RUBCN: variants seen among roughly 807,000 people sequenced by gnomAD.
RUBCN encodes rubicon autophagy regulator.
A neutral mutation model predicts 113.2 loss-of-function variants in RUBCN; 74 were observed. The observed-to-expected ratio is 0.65, with a 90% CI of 0.54 to 0.79. RUBCN has a LOEUF of 0.79. Ranked by LOEUF, RUBCN falls within the 30% of genes least tolerant of loss-of-function variation. RUBCN has a pLI of 0.00. For synonymous variants in RUBCN, 480 were observed against 490.0 expected (o/e 0.98, Z 0.27); for missense variants, 1,109 against 1,251.7 (o/e 0.89, Z 1.72).
intron 11 of RUBCN, among the ~76,000 whole-genome samples, chr3:197,684,728 GTATA>G (rs1360757236): frequency 9.3e-5 from 14 of 149,750 alleles, no homozygotes; most frequent in East Asian, 2.0e-4. Flanking sequence ...ATATGTGTGT[GTATA>G]TATATACACA....
chr3:197,712,708 G>C (rs1468314936), intron 2 of RUBCN, among the ~76,000 whole-genome samples: 1 of 151,740 alleles, frequency 6.6e-6, no homozygotes, highest in South Asian at 2.1e-4. Flanking sequence ...AACACTACTG[G>C]GGTTCTCAGG....
chr3:197,704,591 C>T lies in RUBCN; in HGVS notation c.414G>A (p.Gln138=), dbSNP rs1461769319. 4 of 1,614,080 alleles carry T rather than the reference C, an allele frequency of 2.5e-6. No homozygotes were observed. The highest frequency in any genetic ancestry group is 2.7e-5 in the African/African-American group (2 of 74,924). Residue 138 remains glutamine, a synonymous_variant, in exon 4 of 20, where the codon CAG becomes CAA. Coordinates refer to ENST00000296343, the MANE Select transcript of RUBCN (RefSeq NM_014687.4). ...HSLQYHCLSA[Q]LRPLLGDRQY... is the part of the protein sequence containing the mutation. ...GTCTATCCCCGAGCAGGGGCCGGAG[C>T]TGGGCTGAGAGGCAGTGGTACTGCA...
chr3:197,728,954 CTTCA>C (rs1727074594), intron 1 of RUBCN, among the ~76,000 whole-genome samples: 1 of 152,032 alleles, frequency 6.6e-6, no homozygotes, highest in African/African-American at 2.4e-5. Flanking sequence ...TAATTGGAAA[CTTCA>C]TTAAGTACTA....
Position 197,684,188 on chromosome 3 carries a change from T to C in RUBCN, c.1816A>G (p.Ser606Gly), listed in dbSNP as rs1721576507. The change falls in exon 12 of 20, where the codon AGC (serine) becomes GGC (glycine). Residue 606 changes from serine (S) to glycine (G), a missense_variant. By Grantham distance (56) the Ser-to-Gly change is moderately conservative. Around this residue, in one of 3 missense-constraint regions of RUBCN, gnomAD observed 736 missense variants for 779.6 expected, o/e 0.94. Coordinates refer to ENST00000296343, the MANE Select transcript of RUBCN (RefSeq NM_014687.4). ...DADIRRNTAS[S>G]SKSFVSSQSF... ...TGGGAGGAAACGAAGGATTTGCTGC[T>C]TGAGGCTGTGTTCCTTCTGATGTCA... 1.9e-6 allele frequency: 3 copies of C among 1,613,816 alleles called. No homozygotes were observed. The highest frequency in any genetic ancestry group is 4.5e-5 in the East Asian group (2 of 44,882).
At chr3:197,713,802 C>T (rs1445802297) in intron 2 of RUBCN, among the ~76,000 whole-genome samples, 2 of 151,896 alleles carry the variant, frequency 1.3e-5, no homozygotes, top group East Asian at 1.9e-4. Context: ...AGGCCAGGCA[C>T]GGTGGCTCAT....
intron 1 of RUBCN, among the ~76,000 whole-genome samples, chr3:197,726,777 T>C (rs992503305): frequency 6.6e-6 from 1 of 151,608 alleles, no homozygotes; most frequent in African/African-American, 2.4e-5. Flanking sequence ...CCTGACCTCA[T>C]GATCCGCCCG....
intron 1 of RUBCN, among the ~76,000 whole-genome samples, chr3:197,731,910 A>G (rs1727546489): frequency 6.6e-6 from 1 of 152,244 alleles, no homozygotes; most frequent in African/African-American, 2.4e-5. Flanking sequence ...TTGGAAATGG[A>G]GAGAAAAAGA....
At chr3:197,713,608 G>C (rs1263686466) in intron 2 of RUBCN, among the ~76,000 whole-genome samples, 3 of 152,148 alleles carry the variant, frequency 2.0e-5, no homozygotes, top group African/African-American at 7.2e-5. Context: ...AGACAGTAAG[G>C]TACAGGAGAC....
At chr3:197,715,952 A>G (rs1244283089) in intron 2 of RUBCN, among the ~76,000 whole-genome samples, 1 of 152,222 alleles carries the variant, frequency 6.6e-6, no homozygotes, top group Admixed American at 6.5e-5. Context: ...CTAATTCAAA[A>G]AGAATCACAG....
At chr3:197,695,573 C>T (rs1722914202) in intron 9 of RUBCN, among the ~76,000 whole-genome samples, 1 of 152,182 alleles carries the variant, frequency 6.6e-6, no homozygotes, top group Non-Finnish European at 1.5e-5. Context: ...TGCACTCCAG[C>T]TTAGGTGACA....
intron 2 of RUBCN, among the ~76,000 whole-genome samples, chr3:197,708,333 A>G (rs1724556522): frequency 6.6e-6 from 1 of 151,904 alleles, no homozygotes; most frequent in Admixed American, 6.6e-5. Flanking sequence ...ATGGGGTTTC[A>G]CCATGTTGGC....
At chr3:197,721,332 T>G (rs1726138512) in intron 1 of RUBCN, among the ~76,000 whole-genome samples, 1 of 152,190 alleles carries the variant, frequency 6.6e-6, no homozygotes, top group South Asian at 2.1e-4. Flanking sequence ...CATGATTCAG[T>G]GTCGGTAAGC....
chr3:197,739,669 A>C (rs545445888), upstream of RUBCN, among the ~76,000 whole-genome samples: 54 of 152,314 alleles, frequency 3.5e-4, no homozygotes, highest in African/African-American at 7.2e-4. Context: ...ACTGCACTCC[A>C]GCCTGGAAGA....
chr3:197,682,002 GA>G, intron 14 of RUBCN, 103 bp from the exon 15 acceptor site: 1 of 867,976 alleles, frequency 1.2e-6, no homozygotes, highest in Non-Finnish European at 1.9e-6. Flanking sequence ...TTAAGTATGG[GA>G]AGAGAGGGGA....
chr3:197,720,060 C>T (rs777531871), intron 1 of RUBCN, among the ~76,000 whole-genome samples: 22 of 152,042 alleles, frequency 1.4e-4, no homozygotes, highest in Non-Finnish European at 2.8e-4. Flanking sequence ...CCCTGTTGAC[C>T]GATCTCTCTC....
intron 11 of RUBCN, chr3:197,691,220 T>C (rs767038505): frequency 4.8e-6 from 4 of 831,202 alleles, no homozygotes; most frequent in Non-Finnish European, 5.2e-6. Context: ...CTATACCATA[T>C]GTTCCTGGAA....
rs1156543471 is a variant in RUBCN, at chr3:197,672,422, T to TC, written c.*2595dup. On this transcript the variant is annotated 3_prime_UTR_variant, in exon 20 of 20. Transcript: ENST00000296343. ...CAAAACATCCCATCCTCTACCCACT[T>TC]CCCCCCTCTTGAATAAATAACTGGG... 6.6e-6 allele frequency: 1 copy of TC among 151,754 alleles called. No homozygotes were observed. Among genetic ancestry groups the TC allele is most frequent in the African/African-American group, 2.4e-5 (1 of 41,254 alleles). The allele number at this position is 151,754 out of a possible 1,614,324, so 9.4% of individuals were successfully genotyped here.
rs527954741 is a variant in RUBCN, at chr3:197,678,608, A to G, written c.2431-1067T>C. ...CTGACAACTGGCTCCAGACTGTCCTACGCTCTGACAACTGGCTCCAGACTG... is the reference window on the plus strand; with the variant it reads ...CTGACAACTGGCTCCAGACTGTCCTGCGCTCTGACAACTGGCTCCAGACTG... On this transcript the variant is annotated intron_variant, in intron 16 of 19. Transcript: ENST00000296343. Among the ~76,000 whole-genome samples, 642 of 150,428 alleles carry G rather than the reference A, an allele frequency of 4.3e-3. 7 individuals carry two copies. The highest frequency in any genetic ancestry group is 0.015 in the African/African-American group (615 of 40,682).
chr3:197,681,946 G>C lies in RUBCN; in HGVS notation c.2127-47C>G. ...GCATTGGCACAGAGCAGCTGCGTGAGACCTTGGAGGTGTGAAGGAGTGAGC... is the reference window on the plus strand; with the variant it reads ...GCATTGGCACAGAGCAGCTGCGTGACACCTTGGAGGTGTGAAGGAGTGAGC... On this transcript the variant is annotated intron_variant, in intron 14 of 19. Transcript: ENST00000296343. The surrounding 1 kb of genome is among the most constrained non-coding windows in gnomAD (Gnocchi z 5.5). 2 of 1,459,076 alleles carry C rather than the reference G, an allele frequency of 1.4e-6. No individual in the cohort carries two copies. Among genetic ancestry groups the C allele is most frequent in the Non-Finnish European group, 1.9e-6 (2 of 1,039,200 alleles). The allele number at this position is 1,459,076 out of a possible 1,614,324, so 90.4% of individuals were successfully genotyped here.
Sources: allele counts gnomAD v4.1 joint callset (sites outside exome capture counted in the v4.1 genomes callset), GRCh38; gene constraint gnomAD v4.1.1; regional missense constraint gnomAD v4.1.1; non-coding constraint Gnocchi (gnomAD v3.1); transcripts MANE v1.5; gene names NCBI Gene and HGNC (gene_info 2026-07-23, HGNC 2026-07-21).